The following ALDH3B2 variants were observed in gnomAD, a reference collection of about 807,000 sequenced individuals.
The protein encoded by ALDH3B2 is aldehyde dehydrogenase 3 family member B2.
ALDH3B2 carries 45 observed loss-of-function variants against 36.7 expected under a neutral mutation model. That is an observed-to-expected ratio of 1.23 (90% CI 0.97 to 1.57). The LOEUF is 1.57. Among genes scored for constraint, ALDH3B2 ranks in the 40% most tolerant of loss-of-function variants. The pLI is 0.00. For missense variants in ALDH3B2, 464 were observed against 513.3 expected (o/e 0.90, Z 0.93); for synonymous variants, 217 against 226.5 (o/e 0.96, Z 0.38).
intron 4 of ALDH3B2, 67 bp downstream of exon 4, chr11:67,666,507 T>C: frequency 6.2e-7 from 1 of 1,608,702 alleles, no homozygotes; most frequent in Non-Finnish European, 8.5e-7. Flanking sequence ...CAGAGCAAGA[T>C]TCCAGGGGCC....
exon 10 of ALDH3B2, chr11:67,663,193 C>A: frequency 6.3e-7 from 1 of 1,583,736 alleles, no homozygotes; most frequent in South Asian, 1.2e-5. Context: ...TCTGTGTGAC[C>A]CGTTGGAGGC....
At chr11:67,671,881 C>T (rs1283644534) in intron 1 of ALDH3B2, among the ~76,000 whole-genome samples, 1 of 150,188 alleles carries the variant, frequency 6.7e-6, no homozygotes, top group African/African-American at 2.5e-5. Flanking sequence ...CTCTGCCCAC[C>T]GAGATAGATG....
At chr11:67,668,579 T>G (rs560144107) in intron 1 of ALDH3B2, among the ~76,000 whole-genome samples, 9 of 152,180 alleles carry the variant, frequency 5.9e-5, no homozygotes, top group Non-Finnish European at 7.4e-5. Context: ...TGTCTGTGTG[T>G]TTCTTTGTGT....
chr11:67,663,172 A>G (rs1855791724), exon 10 of ALDH3B2: 5 of 1,559,254 alleles, frequency 3.2e-6, no homozygotes, highest in Non-Finnish European at 3.5e-6. Flanking sequence ...TCATGGCTAG[A>G]CTCAGGTTTC....
At chr11:67,675,647 G>A (rs774131570), upstream of ALDH3B2, among the ~76,000 whole-genome samples, 4 of 152,336 alleles carry the variant, frequency 2.6e-5, no homozygotes, top group East Asian at 7.7e-4. Flanking sequence ...CCAAGCCCTG[G>A]CCCTGGAATC....
At chr11:67,665,712 G>A in intron 6 of ALDH3B2, 41 bp from the exon 7 acceptor site, 1 of 1,569,402 alleles carries the variant, frequency 6.4e-7, no homozygotes. Context: ...TCAGTGACCT[G>A]GACCAGGCAG....
intron 2 of ALDH3B2, among the ~76,000 whole-genome samples, chr11:67,667,272 G>A (rs1855946763): frequency 8.8e-6 from 1 of 113,274 alleles, no homozygotes. Flanking sequence ...GACAGCCATG[G>A]AGCCTGCATC....
chr11:67,668,672 GTGTC>G (rs1164178800), intron 1 of ALDH3B2, among the ~76,000 whole-genome samples: 2 of 151,394 alleles, frequency 1.3e-5, no homozygotes, highest in African/African-American at 4.9e-5. Context: ...GTGTGTATGG[GTGTC>G]TGTGTGTGTC....
chr11:67,665,985 G>A, intron 6 of ALDH3B2, 137 bp downstream of exon 6: 1 of 1,206,728 alleles, frequency 8.3e-7, no homozygotes, highest in East Asian at 2.4e-5. Context: ...GCCTATGCAG[G>A]CAGACGGACT....
chr11:67,665,169 G>A (rs529509940), intron 7 of ALDH3B2, 116 bp downstream of exon 7: 72 of 1,497,808 alleles, frequency 4.8e-5, no homozygotes, highest in Non-Finnish European at 5.7e-5. Context: ...TCAAGGCCGG[G>A]CTCTGATAGT....
chr11:67,680,271 A>G (rs1856346664), intron 1 of ALDH3B2, among the ~76,000 whole-genome samples: 1 of 152,208 alleles, frequency 6.6e-6, no homozygotes. Flanking sequence ...CCGAGATTGC[A>G]CTACCACACT....
At chr11:67,662,991 T>C in exon 10 of ALDH3B2, 1 of 581,632 alleles carries the variant, frequency 1.7e-6, no homozygotes, top group Non-Finnish European at 3.0e-6. Context: ...TGAGGACACC[T>C]GGCATGTTCT....
At chr11:67,666,277 T>C (rs1855907799) in intron 5 of ALDH3B2, 39 bp downstream of exon 5, 2 of 1,611,822 alleles carry the variant, frequency 1.2e-6, no homozygotes, top group African/African-American at 1.3e-5. Context: ...GGGTGATATA[T>C]GGGGACGTCG....
intron 8 of ALDH3B2, 54 bp downstream of exon 8, chr11:67,664,342 C>A (rs762735013): frequency 1.2e-6 from 2 of 1,609,778 alleles, no homozygotes; most frequent in Non-Finnish European, 1.7e-6. Flanking sequence ...GGAAAGGTGC[C>A]AGTCTGTGCC....
intron 1 of ALDH3B2, among the ~76,000 whole-genome samples, chr11:67,681,000 C>T (rs1856358093): frequency 6.6e-6 from 1 of 152,200 alleles, no homozygotes; most frequent in South Asian, 2.1e-4. Context: ...ACACAAATGC[C>T]TAAACAGCTG....
chr11:67,666,956 G>A, exon 3 of ALDH3B2: 1 of 1,614,152 alleles, frequency 6.2e-7, no homozygotes, highest in Non-Finnish European at 8.5e-7. Flanking sequence ...AGGTTCTTGA[G>A]AGCGTAGTCA....
intron 1 of ALDH3B2, among the ~76,000 whole-genome samples, chr11:67,671,767 T>G (rs932954953): frequency 2.6e-4 from 40 of 151,454 alleles, no homozygotes; most frequent in Admixed American, 1.3e-4. Context: ...GGTCTTGAAC[T>G]CCTGACCGCA....
At chr11:67,675,569 CA>C (rs1856250434), upstream of ALDH3B2, among the ~76,000 whole-genome samples, 1 of 152,174 alleles carries the variant, frequency 6.6e-6, no homozygotes, top group Non-Finnish European at 1.5e-5. Context: ...GCCCTGTGGG[CA>C]GGAGGGACAT....
rs752296344 is a variant in ALDH3B2 at position 67,666,393 on chromosome 11, C to T, written c.160G>A (p.Val54Met). The T allele has an allele frequency of 8.7e-5, 140 of 1,606,408 alleles. No homozygotes were observed. The highest frequency in any genetic ancestry group is 1.4e-4 in the Admixed American group (8 of 58,352). ...CTGATTTCTGACGGCTTCAGCACCA[C>T]GCAACTCCCTGCAGGGGCAGATGGG... Residue 54 changes from valine to methionine, a missense_variant, in exon 5 of 10, where the codon GTG becomes ATG. Physicochemically the swap from Val to Met is conservative, Grantham distance 21. Transcript: ENST00000349015.
Sources: gnomAD v4.1 joint callset for allele counts (sites outside exome capture counted in the v4.1 genomes callset) on GRCh38, gnomAD v4.1.1 for gene constraint, MANE v1.5 for transcripts, NCBI Gene and HGNC (gene_info 2026-07-23, HGNC 2026-07-21) for gene names.